The following NLRP6 variants were observed in gnomAD, a reference collection of about 807,000 sequenced individuals.
NLRP6 encodes the protein NACHT, LRR and PYD domains-containing protein 6.
A neutral mutation model predicts 70.9 loss-of-function variants in NLRP6; 55 were observed. That is an observed-to-expected ratio of 0.78 (90% confidence interval 0.62 to 0.97). NLRP6 has a LOEUF of 0.97. Among genes scored for constraint, NLRP6 ranks in the 50% least tolerant of loss-of-function variants. The pLI is 0.00. For missense variants in NLRP6, 1,241 were observed against 1,238.3 expected, an observed-to-expected ratio of 1.00 and a Z score of -0.03; for synonymous variants, 652 against 581.9, an observed-to-expected ratio of 1.12 and a Z score of -1.73.
Position 280,316 on chromosome 11 carries a change from G to A in NLRP6, c.582G>A (p.Arg194=), listed in dbSNP as rs199475801. ...RLFRRDEEGR[R]PLTVVLQGPA... The stretch of plus-strand genomic sequence containing the variant: ...TCCGCCGCGACGAGGAGGGCCGGCG[G>A]CCGCTGACCGTGGTGCTGCAGGGCC... The change falls in exon 4 of 8, where the codon CGG becomes CGA. Residue 194 remains arginine, a synonymous_variant. Transcript: ENST00000534750. 1.4e-4 allele frequency: 209 copies of A among 1,499,092 alleles called. No individual in the cohort carries two copies. The African/African-American group carries it at 2.5e-3, about 18-fold the overall frequency. 92.9% of individuals were successfully genotyped at this position (1,499,092 alleles called of 1,614,324 possible). A position where few individuals can be genotyped will look rare whatever the true frequency, so the allele number is the denominator to read the frequency against.
At position 283,968 on chromosome 11, in the gene NLRP6, G is replaced by A. The variant is rs1333687643; in HGVS notation, c.2199-262G>A. On this transcript the variant is annotated intron_variant, in intron 5 of 7. Transcript: ENST00000534750. ...AGTTGGCCACCTCATCTTGGTGGAC[G>A]ATTGTGCGGCAAACATGTTGAAACA... Among the ~76,000 whole-genome samples the A allele has an allele frequency of 4.6e-5, 7 of 152,276 alleles. No individual in the cohort carries two copies. The East Asian group carries it at 5.8e-4, about 13-fold the overall frequency.
rs909236423 is a variant in NLRP6, at chr11:280,622, A to G, written c.888A>G (p.Thr296=). The G allele has an allele frequency of 2.7e-6, 4 of 1,496,484 alleles. No homozygotes were observed. The African/African-American group carries it at 4.4e-5, about 16-fold the overall frequency. The allele number at this position is 1,496,484 out of a possible 1,614,324, so 92.7% of individuals were successfully genotyped here. ...ALGGPEAAPC[T]DPFEAASGAR... is the part of the protein sequence containing the mutation. ...GGGGCCCCGAGGCCGCGCCCTGCAC[A>G]GACCCCTTCGAGGCGGCGAGCGGCG... Residue 296 remains threonine, a synonymous_variant, in exon 4 of 8, where the codon ACA becomes ACG. Coordinates refer to ENST00000534750, the MANE Select transcript of NLRP6 (RefSeq NM_001276700.2).
At chr11:281,897 C>T (rs1156551561) in intron 4 of NLRP6, 58 bp downstream of exon 4, 13 of 1,450,454 alleles carry the variant, frequency 9.0e-6, no homozygotes, top group Non-Finnish European at 1.2e-5. Flanking sequence ...CCGGTGCAAA[C>T]CTGTGCACCT....
At chr11:282,925 T>A in intron 5 of NLRP6, 128 bp downstream of exon 5, 1 of 727,056 alleles carries the variant, frequency 1.4e-6, no homozygotes, top group Non-Finnish European at 2.5e-6. Context: ...CTGTGGGTGC[T>A]GGAGATGGCA....
At position 285,377 on chromosome 11, in the gene NLRP6, C is replaced by T; in HGVS notation, c.*73C>T. On this transcript the variant is annotated 3_prime_UTR_variant, in exon 8 of 8. Coordinates refer to ENST00000534750, the MANE Select transcript of NLRP6 (RefSeq NM_001276700.2). ...TGGAGAGAACGGCCCATTCCAAGGG[C>T]AGGAGGATATTGCTCTCGGCCTTTG... is the stretch of plus-strand genomic sequence containing the variant. 1.3e-6 allele frequency: 2 copies of T among 1,502,210 alleles called. No homozygotes were observed. Among genetic ancestry groups the T allele is most frequent in the Non-Finnish European group, 1.8e-6 (2 of 1,099,410 alleles). The allele number at this position is 1,502,210 out of a possible 1,614,324, so 93.1% of individuals were successfully genotyped here. A position where few individuals can be genotyped will look rare whatever the true frequency, so the allele number is the denominator to read the frequency against.
Position 285,194 on chromosome 11 carries a change from T to A in NLRP6, c.2566T>A (p.Ser856Thr). 6.3e-7 allele frequency: 1 copy of A among 1,595,164 alleles called. No individual in the cohort carries two copies. Among genetic ancestry groups the A allele is most frequent in the Non-Finnish European group, 8.5e-7 (1 of 1,170,442 alleles). Residue 856 changes from serine (S) to threonine (T), a missense_variant, in exon 8 of 8, where the codon TCA (serine) becomes ACA (threonine). Coordinates refer to ENST00000534750, the MANE Select transcript of NLRP6 (RefSeq NM_001276700.2). ...SLASVELSEQ[S>T]LQELQAVKRA... ...GGCCTCTGTGGAGCTGAGCGAGCAGTCACTACAGGAGCTTCAGGCTGTGAA... is the reference window on the plus strand; with the variant it reads ...GGCCTCTGTGGAGCTGAGCGAGCAGACACTACAGGAGCTTCAGGCTGTGAA...
Position 280,237 on chromosome 11 carries a change from A to G in NLRP6, c.503A>G (p.Glu168Gly), listed in dbSNP as rs1264024754. ...GAGGAGGCGATGGGGCCCGCGGAAG[A>G]GCCTGAGCCGGGGCGCGCGCGGCGC... The part of the protein sequence containing the change: ...APEEAMGPAE[E>G]PEPGRARRSD... The change falls in exon 4 of 8, where the codon GAG becomes GGG. Residue 168 changes from glutamate (E) to glycine (G), a missense_variant. By Grantham distance (98) the Glu-to-Gly change is moderately conservative. Coordinates refer to ENST00000534750, the MANE Select transcript of NLRP6 (RefSeq NM_001276700.2). The G allele has an allele frequency of 6.5e-7, 1 of 1,535,292 alleles. No homozygotes were observed.
rs144727560 is a variant in NLRP6 at position 285,256 on chromosome 11, G to A, written c.2628G>A (p.Ala876=). The A allele has an allele frequency of 8.4e-4, 1,350 of 1,608,012 alleles. 10 individuals are homozygous for A. In the African/African-American group the frequency reaches 0.015, roughly 17 times the overall value. Residue 876 remains alanine (A), a synonymous_variant, in exon 8 of 8, where the codon GCG becomes GCA. Transcript: ENST00000534750. ...AKPDLVITHP[A]LDGHPQPPKE... ...CGGATCTGGTCATCACACACCCAGC[G>A]CTGGACGGCCACCCACAACCTCCCA...
At chr11:282,099 C>G (rs957955994) in intron 4 of NLRP6, among the ~76,000 whole-genome samples, 2 of 152,238 alleles carry the variant, frequency 1.3e-5, no homozygotes, top group African/African-American at 4.8e-5. Flanking sequence ...TCTGGCCCAG[C>G]CCTTCTTCCC....
chr11:285,115 G>T, intron 7 of NLRP6, 51 bp from the exon 8 acceptor site: 1 of 1,545,748 alleles, frequency 6.5e-7, no homozygotes. Context: ...CCCAAGCCCT[G>T]GCTGCTTTCC....
chr11:284,788 C>A (rs1845535388), intron 7 of NLRP6, 146 bp downstream of exon 7: 1 of 794,500 alleles, frequency 1.3e-6, no homozygotes, highest in Non-Finnish European at 2.0e-6. Context: ...GACCTGGGAG[C>A]CCAGCCCTGA....
Position 278,515 on chromosome 11 carries a change from C to G in NLRP6, c.-55C>G. ...CCAGCTCAGCCTGTGAAGGAATCAC[C>G]TCTCTGATCCCCACCTCTGCCCCGG... On this transcript the variant is annotated 5_prime_UTR_variant, in exon 1 of 8. Coordinates refer to ENST00000534750, the MANE Select transcript of NLRP6 (RefSeq NM_001276700.2). The surrounding 1 kb of genome is among the most constrained non-coding windows in gnomAD (Gnocchi z 4.7). 1 of 1,439,074 alleles carries G rather than the reference C, an allele frequency of 6.9e-7. No individual in the cohort carries two copies. Among genetic ancestry groups the G allele is most frequent in the Non-Finnish European group, 9.3e-7 (1 of 1,080,538 alleles). The allele number at this position is 1,439,074 out of a possible 1,614,324, so 89.1% of individuals were successfully genotyped here. A position where few individuals can be genotyped will look rare whatever the true frequency, so the allele number is the denominator to read the frequency against.
chr11:281,404 G>T lies in NLRP6; in HGVS notation c.1670G>T (p.Arg557Leu), dbSNP rs753471466. Reference protein sequence around the residue: ...LFGLLSAERMRDIERHFGCMV... With the variant: ...LFGLLSAERMLDIERHFGCMV... ...GGACTGCTGAGCGCGGAGCGGATGCGCGACATCGAGCGCCACTTCGGCTGC... is the reference window on the plus strand; with the variant it reads ...GGACTGCTGAGCGCGGAGCGGATGCTCGACATCGAGCGCCACTTCGGCTGC... Residue 557 changes from arginine (R) to leucine (L), a missense_variant, in exon 4 of 8, where the codon CGC (arginine) becomes CTC (leucine). Physicochemically the swap from Arg to Leu is moderately radical, Grantham distance 102. Coordinates refer to ENST00000534750, the MANE Select transcript of NLRP6 (RefSeq NM_001276700.2). 3 of 1,608,812 alleles carry T rather than the reference G, an allele frequency of 1.9e-6. No homozygotes were observed. The Admixed American group carries it at 5.1e-5, about 27-fold the overall frequency.
rs1590267638 is a variant in NLRP6 at position 279,883 on chromosome 11, C to T, written c.349+11C>T. On this transcript the variant is annotated intron_variant, in intron 3 of 7. Coordinates refer to ENST00000534750, the MANE Select transcript of NLRP6 (RefSeq NM_001276700.2). ...TGCTCTCCGTGTCCGGTGGGTCTCT[C>T]GCTGGGGGGGCACGAGTGTCCCCAA... The T allele has an allele frequency of 1.3e-6, 2 of 1,530,284 alleles. No homozygotes were observed. Among genetic ancestry groups the T allele is most frequent in the Non-Finnish European group, 8.8e-7 (1 of 1,142,410 alleles). The allele number at this position is 1,530,284 out of a possible 1,614,324, so 94.8% of individuals were successfully genotyped here. A position where few individuals can be genotyped will look rare whatever the true frequency, so the allele number is the denominator to read the frequency against.
At chr11:284,745 C>A in intron 7 of NLRP6, 103 bp downstream of exon 7, 1 of 1,095,630 alleles carries the variant, frequency 9.1e-7, no homozygotes, top group Non-Finnish European at 1.3e-6. Context: ...GGGCCCCTCC[C>A]AGAGACCTCC....
chr11:282,407 G>A (rs558849595), intron 4 of NLRP6, among the ~76,000 whole-genome samples: 1 of 152,350 alleles, frequency 6.6e-6, no homozygotes, highest in African/African-American at 2.4e-5. Flanking sequence ...CATCTGTTGA[G>A]AGGATGAATG....
In NLRP6 at chr11:280,685, GC is replaced by G. The variant is rs1232096305; in HGVS notation, c.954del (p.Thr319ArgfsTer6). 2.0e-5 allele frequency: 32 copies of G among 1,561,452 alleles called. No individual in the cohort carries two copies. The highest frequency in any genetic ancestry group is 2.7e-5 in the Non-Finnish European group (31 of 1,158,282). On this transcript the variant is annotated frameshift_variant, in exon 4 of 8. Transcript: ENST00000534750. LOFTEE classifies it high-confidence loss of function. ...LGGLLSKALL[P>X]TALLLVTTRA... ...GCGGGCTGCTGAGCAAGGCGCTGCT[GC>G]CCACGGCCCTCCTGCTGGTGACCAC...
chr11:281,211 GTCACCTACCAGT>G lies in NLRP6; in HGVS notation c.1481_1492del (p.Thr494_Phe497del). 1.2e-6 allele frequency: 2 copies of G among 1,613,218 alleles called. No homozygotes were observed. Among genetic ancestry groups the G allele is most frequent in the Non-Finnish European group, 1.7e-6 (2 of 1,179,972 alleles). On this transcript the variant is annotated inframe_deletion, in exon 4 of 8. Transcript: ENST00000534750. ...GCTGCCGGGCGTGCTGGAGACAGAG[GTCACCTACCAGT>G]TCATCGACCAGAGCTTCCAGGAGTT...
rs1845432500 is a variant in NLRP6, at chr11:279,361, CT to C, written c.65del (p.Leu22ProfsTer8). ...GPRLAVAREL[L>X]LAALEELSQE... The stretch of plus-strand genomic sequence containing the variant: ...GCGCCTCGCGGTGGCCCGCGAGCTG[CT>C]CCTGGCTGCGCTGGAGGAACTGAGC... On this transcript the variant is annotated frameshift_variant, in exon 2 of 8. Coordinates refer to ENST00000534750, the MANE Select transcript of NLRP6 (RefSeq NM_001276700.2). LOFTEE classifies it high-confidence loss of function. 1 of 1,309,036 alleles carries C rather than the reference CT, an allele frequency of 7.6e-7. No individual in the cohort carries two copies. 81.1% of individuals were successfully genotyped at this position (1,309,036 alleles called of 1,614,324 possible).
Sources: gnomAD v4.1 joint callset for allele counts (sites outside exome capture counted in the v4.1 genomes callset) on GRCh38, gnomAD v4.1.1 for gene constraint, Gnocchi (gnomAD v3.1) non-coding constraint, MANE v1.5 for transcripts, NCBI Gene and HGNC (gene_info 2026-07-23, HGNC 2026-07-21) for gene names.